The following FAM227B variants were observed in gnomAD, a reference collection of about 807,000 sequenced individuals.
The protein encoded by FAM227B is family with sequence similarity 227 member B.
Under a neutral mutation model 73.8 loss-of-function variants are expected in FAM227B, and 88 were observed. The ratio of observed to expected loss-of-function variants is 1.19; its 90% CI spans 1.00 to 1.42. The LOEUF (loss-of-function observed/expected upper bound fraction) is 1.42, where lower values mean the gene tolerates loss of function less well. Ranked by LOEUF, FAM227B falls within the 40% of genes most tolerant of loss-of-function variation. FAM227B has a pLI of 0.00. For synonymous variants in FAM227B, 210 were observed against 190.5 expected, an observed-to-expected ratio of 1.10 and a Z score of -0.84; for missense variants, 632 against 590.9, an observed-to-expected ratio of 1.07 and a Z score of -0.72.
intron 10 of FAM227B, among the ~76,000 whole-genome samples, chr15:49,509,848 C>G (rs1048538358): frequency 3.9e-5 from 6 of 152,012 alleles, no homozygotes; most frequent in Non-Finnish European, 8.8e-5. Context: ...AATAAAGGAG[C>G]TAAAAACCTA....
intron 10 of FAM227B, among the ~76,000 whole-genome samples, chr15:49,509,442 C>T (rs979664029): frequency 3.3e-5 from 5 of 152,102 alleles, no homozygotes; most frequent in African/African-American, 1.2e-4. Flanking sequence ...AGAGGGATTA[C>T]TATGTACCAA....
intron 11 of FAM227B, among the ~76,000 whole-genome samples, chr15:49,454,167 T>A (rs10519227): frequency 0.2 from 30,291 of 151,984 alleles, 3,273 homozygotes; most frequent in South Asian, 0.33. Flanking sequence ...AGTGAATGAT[T>A]TATTGAAGGT....
chr15:49,335,870 C>T lies in FAM227B; in HGVS notation c.1272-374G>A, dbSNP rs367839753. Among the ~76,000 whole-genome samples, 94 of 152,202 alleles carry T rather than the reference C, an allele frequency of 6.2e-4. No individual in the cohort carries two copies. The South Asian group carries it at 0.012, about 19-fold the overall frequency. On this transcript the variant is annotated intron_variant, in intron 13 of 15. Transcript: ENST00000299338. ...CATTTTTTTCTTATTTATTCATTTT[C>T]GAGACAGGGTCTTGCTTTGTCACCC...
intron 11 of FAM227B, among the ~76,000 whole-genome samples, chr15:49,414,052 C>T (rs917089010): frequency 4.0e-5 from 6 of 151,890 alleles, no homozygotes; most frequent in African/African-American, 1.2e-4. Context: ...ATTATCCACC[C>T]CCTCCTCCAA....
At chr15:49,547,704 C>A (rs967995624) in intron 9 of FAM227B, among the ~76,000 whole-genome samples, 1 of 152,120 alleles carries the variant, frequency 6.6e-6, no homozygotes, top group African/African-American at 2.4e-5. Context: ...GACTTTAAAG[C>A]AACAGCAGTT....
chr15:49,601,953 T>C (rs1174844903), intron 3 of FAM227B, among the ~76,000 whole-genome samples: 1 of 152,240 alleles, frequency 6.6e-6, no homozygotes, highest in Non-Finnish European at 1.5e-5. Context: ...GTTCCATCTA[T>C]GTTGTGTGGA....
Position 49,371,324 on chromosome 15 carries a change from C to A in FAM227B, c.1088G>T (p.Arg363Ile). 1 of 1,596,970 alleles carries A rather than the reference C, an allele frequency of 6.3e-7. No homozygotes were observed. The highest frequency in any genetic ancestry group is 8.6e-7 in the Non-Finnish European group (1 of 1,167,796). The change falls in exon 12 of 16, where the codon AGA (arginine) becomes ATA (isoleucine). Residue 363 changes from arginine to isoleucine, a missense_variant. Arg to Ile is a moderately conservative substitution (Grantham distance 97). Transcript: ENST00000299338. ...AACCTTTGTTGCTAGTCTTGATAAT[C>A]TTGATTCTTCCTTGGATATGGGCAA... is the stretch of plus-strand genomic sequence containing the variant. ...YTLPISKEES[R>I]LSRLATKSHY... is the part of the protein sequence containing the mutation.
At chr15:49,508,743 G>A (rs1447907866) in intron 10 of FAM227B, among the ~76,000 whole-genome samples, 1 of 152,130 alleles carries the variant, frequency 6.6e-6, no homozygotes, top group Non-Finnish European at 1.5e-5. Context: ...CCATCAAATT[G>A]TAATTTTCTA....
In FAM227B at chr15:49,473,654, T is replaced by C. The variant is rs566346101; in HGVS notation, c.1012+34557A>G. On this transcript the variant is annotated intron_variant, in intron 11 of 15. Transcript: ENST00000299338. ...TTATTTATGGAGCACTATTTACAAA[T>C]AGAAGAATAAAACTATTTCTCTTAT... 4.6e-4 allele frequency among the ~76,000 whole-genome samples: 70 copies of C among 152,258 alleles called. 1 individual carries two copies. Among genetic ancestry groups the C allele is most frequent in the Admixed American group, 1.2e-3 (18 of 15,292 alleles).
At chr15:49,494,256 A>ATC (rs1467706350) in intron 11 of FAM227B, among the ~76,000 whole-genome samples, 1 of 140,606 alleles carries the variant, frequency 7.1e-6, no homozygotes, top group Admixed American at 7.5e-5. Context: ...GAGACACACA[A>ATC]ACACACACAC....
intron 11 of FAM227B, among the ~76,000 whole-genome samples, chr15:49,491,349 T>G (rs2057073272): frequency 6.6e-6 from 1 of 152,006 alleles, no homozygotes; most frequent in Non-Finnish European, 1.5e-5. Context: ...GGCTCTTTTT[T>G]GCCTGTTGGG....
At chr15:49,343,432 T>A (rs976825457) in intron 13 of FAM227B, among the ~76,000 whole-genome samples, 1 of 152,034 alleles carries the variant, frequency 6.6e-6, no homozygotes. Flanking sequence ...GATTTAGGAG[T>A]TTCTTTGTGT....
chr15:49,473,930 C>T (rs2055011875), intron 11 of FAM227B, among the ~76,000 whole-genome samples: 1 of 152,054 alleles, frequency 6.6e-6, no homozygotes, highest in East Asian at 1.9e-4. Context: ...AAATGAGGAA[C>T]ATTCATCATT....
At chr15:49,529,533 T>C (rs559589151) in intron 10 of FAM227B, among the ~76,000 whole-genome samples, 2 of 151,800 alleles carry the variant, frequency 1.3e-5, no homozygotes, top group South Asian at 4.2e-4. Flanking sequence ...TTTTTTTAAA[T>C]TAAACTTCTT....
At chr15:49,478,711 T>C (rs1401335661) in intron 11 of FAM227B, among the ~76,000 whole-genome samples, 2 of 152,148 alleles carry the variant, frequency 1.3e-5, no homozygotes, top group Non-Finnish European at 2.9e-5. Flanking sequence ...AGCACAGCCA[T>C]ATTAATATAT....
intron 11 of FAM227B, among the ~76,000 whole-genome samples, chr15:49,464,648 A>G (rs911847262): frequency 3.3e-5 from 5 of 152,236 alleles, no homozygotes; most frequent in Non-Finnish European, 7.3e-5. Flanking sequence ...AATGACACCA[A>G]TAAATCATTT....
At chr15:49,527,779 T>C (rs1189016182) in intron 10 of FAM227B, among the ~76,000 whole-genome samples, 1 of 151,744 alleles carries the variant, frequency 6.6e-6, no homozygotes, top group Non-Finnish European at 1.5e-5. Context: ...ATTAAATACC[T>C]AGGAATACAT....
At chr15:49,363,544 A>T (rs111915846) in intron 13 of FAM227B, among the ~76,000 whole-genome samples, 3,852 of 152,262 alleles carry the variant, frequency 0.025, 90 homozygotes, top group African/African-American at 0.051. Flanking sequence ...TGGTTTTGCT[A>T]CATATAGGAT....
chr15:49,545,135 CTT>C (rs150480465), intron 9 of FAM227B, among the ~76,000 whole-genome samples: 7,954 of 151,742 alleles, frequency 0.052, 350 homozygotes, highest in East Asian at 0.23. Context: ...GATCCTCAAA[CTT>C]TTTTTTGGCA....
Sources: allele counts gnomAD v4.1 joint callset (sites outside exome capture counted in the v4.1 genomes callset), GRCh38; gene constraint gnomAD v4.1.1; transcripts MANE v1.5; gene names NCBI Gene and HGNC (gene_info 2026-07-23, HGNC 2026-07-21).